SLC18A1: variants seen among roughly 807,000 people sequenced by gnomAD.
SLC18A1 encodes solute carrier family 18 member A1.
SLC18A1 carries 69 observed loss-of-function variants against 53.7 expected under a neutral mutation model. The observed-to-expected ratio is 1.28, with a 90% CI of 1.06 to 1.57. The LOEUF (loss-of-function observed/expected upper bound fraction) is 1.57. Among genes scored for constraint, SLC18A1 ranks in the 40% most tolerant of loss-of-function variants. The probability of loss-of-function intolerance (pLI) is 0.00; values close to 1 mark genes in which losing one functional copy is unlikely to be tolerated. For missense variants in SLC18A1, 932 were observed against 668.1 expected (o/e 1.40, Z -4.35); for synonymous variants, 320 against 248.1 (o/e 1.29, Z -2.72).
rs758415760 is a variant in SLC18A1 at position 20,183,091 on chromosome 8, C to G, written c.-152G>C. 6.6e-6 allele frequency: 1 copy of G among 152,162 alleles called. No homozygotes were observed. Among genetic ancestry groups the G allele is most frequent in the Non-Finnish European group, 1.5e-5 (1 of 68,030 alleles). The allele number at this position is 152,162 out of a possible 1,614,324, so 9.4% of individuals were successfully genotyped here. The stretch of plus-strand genomic sequence containing the variant: ...GGAGCCCATGTTGGTGTGAGGCACT[C>G]AGTGAGGTATTGGCAGCTGTTAGCA... On this transcript the variant is annotated 5_prime_UTR_variant, in exon 1 of 16. Transcript: ENST00000276373.
At chr8:20,150,992 G>C in intron 10 of SLC18A1, 3 of 455,686 alleles carry the variant, frequency 6.6e-6, no homozygotes, top group Non-Finnish European at 1.2e-5. Context: ...CTTTTTTTGA[G>C]ACAGGGCCTC....
At chr8:20,178,610 A>G (rs1260540083) in intron 3 of SLC18A1, 117 bp from the exon 4 acceptor site, 9 of 715,666 alleles carry the variant, frequency 1.3e-5, no homozygotes, top group Admixed American at 2.6e-5. Context: ...ATGGTAAAAC[A>G]TGCCTCTGAA....
rs187833299 is a variant in SLC18A1, at chr8:20,145,571, G to C, written c.*192C>G. On this transcript the variant is annotated 3_prime_UTR_variant, in exon 16 of 16. Coordinates refer to ENST00000276373, the MANE Select transcript of SLC18A1 (RefSeq NM_003053.4). Reference sequence around the variant, plus strand: ...AAAGATGGGCCACTGCGGCACCAAGGCATAGAGGAAGAGCTACAAGTTACA... The same window carrying C: ...AAAGATGGGCCACTGCGGCACCAAGCCATAGAGGAAGAGCTACAAGTTACA... 2 of 431,134 alleles carry C rather than the reference G, an allele frequency of 4.6e-6. No individual in the cohort carries two copies. Among genetic ancestry groups the C allele is most frequent in the African/African-American group, 4.1e-5 (2 of 49,048 alleles). 26.7% of individuals were successfully genotyped at this position (431,134 alleles called of 1,614,324 possible). A position where few individuals can be genotyped will look rare whatever the true frequency, so the allele number is the denominator to read the frequency against.
At chr8:20,181,661 G>A (rs1325321721) in intron 1 of SLC18A1, 2 of 152,134 alleles carry the variant, frequency 1.3e-5, no homozygotes, top group Non-Finnish European at 2.9e-5. Context: ...AAAAAAGTAT[G>A]ACCTTTGTTC....
At chr8:20,164,816 T>C (rs1390243770) in intron 10 of SLC18A1, 53 bp downstream of exon 10, 2 of 1,399,390 alleles carry the variant, frequency 1.4e-6, no homozygotes, top group Non-Finnish European at 9.9e-7. Flanking sequence ...AAAGGACTCA[T>C]GGCACCCACC....
At chr8:20,177,118 AT>A (rs1303892977) in intron 4 of SLC18A1, among the ~76,000 whole-genome samples, 1 of 152,156 alleles carries the variant, frequency 6.6e-6, no homozygotes, top group Non-Finnish European at 1.5e-5. Context: ...TTATTTTTAA[AT>A]TTGCTGTCTA....
chr8:20,147,971 C>G (rs772636881), intron 13 of SLC18A1, 36 bp downstream of exon 13: 1 of 1,607,458 alleles, frequency 6.2e-7, no homozygotes, highest in South Asian at 1.1e-5. Context: ...AGCCAACATG[C>G]AGGGGCTTAT....
At chr8:20,162,900 T>C (rs1031647641) in intron 10 of SLC18A1, among the ~76,000 whole-genome samples, 8 of 152,218 alleles carry the variant, frequency 5.3e-5, no homozygotes, top group African/African-American at 1.9e-4. Flanking sequence ...TATTGCAGCC[T>C]CTACCAATTT....
rs529520191 is a variant in SLC18A1, at chr8:20,181,060, G to A, written c.-96C>T. On this transcript the variant is annotated 5_prime_UTR_variant, in exon 2 of 16. Coordinates refer to ENST00000276373, the MANE Select transcript of SLC18A1 (RefSeq NM_003053.4). ...CCTGCAGCCTTTATGGAAGAGGGGA[G>A]GGAGTCTGCCCAGACGAAGGAAACT... 9.0e-6 allele frequency: 13 copies of A among 1,439,534 alleles called. No homozygotes were observed. In the East Asian group the frequency reaches 3.0e-4, roughly 34 times the overall value. The allele number at this position is 1,439,534 out of a possible 1,614,324, so 89.2% of individuals were successfully genotyped here. A position where few individuals can be genotyped will look rare whatever the true frequency, so the allele number is the denominator to read the frequency against.
At chr8:20,149,535 C>T (rs1482101853) in intron 12 of SLC18A1, 141 bp downstream of exon 12, 1 of 673,364 alleles carries the variant, frequency 1.5e-6, no homozygotes, top group Non-Finnish European at 2.5e-6. Flanking sequence ...CATCTCTGCT[C>T]ATCTTAAAGG....
At chr8:20,175,121 A>C (rs1340657345) in intron 4 of SLC18A1, among the ~76,000 whole-genome samples, 2 of 152,200 alleles carry the variant, frequency 1.3e-5, no homozygotes, top group African/African-American at 4.8e-5. Context: ...GGAAACTGAG[A>C]TCCAACAGGA....
intron 10 of SLC18A1, among the ~76,000 whole-genome samples, chr8:20,153,218 G>GT (rs71532224): frequency 0.23 from 34,383 of 151,778 alleles, 4,141 homozygotes; most frequent in African/African-American, 0.27. Context: ...GTGGTTGTGC[G>GT]TTTTTTTTGC....
intron 4 of SLC18A1, among the ~76,000 whole-genome samples, chr8:20,175,085 G>A (rs1264584080): frequency 6.6e-6 from 1 of 152,148 alleles, no homozygotes; most frequent in Non-Finnish European, 1.5e-5. Context: ...CGTGAAGAGA[G>A]GCAGTGTGTT....
intron 8 of SLC18A1, among the ~76,000 whole-genome samples, chr8:20,168,485 T>C (rs1021759516): frequency 6.6e-6 from 1 of 152,192 alleles, no homozygotes; most frequent in African/African-American, 2.4e-5. Context: ...CATAATCACA[T>C]GTACATAAAA....
intron 11 of SLC18A1, among the ~76,000 whole-genome samples, chr8:20,150,274 G>T (rs1367360519): frequency 6.6e-6 from 1 of 152,188 alleles, no homozygotes; most frequent in Non-Finnish European, 1.5e-5. Context: ...TTCCTCCTCA[G>T]TGGCCTCTGG....
At chr8:20,169,469 C>A (rs915145220) in intron 8 of SLC18A1, among the ~76,000 whole-genome samples, 1 of 151,702 alleles carries the variant, frequency 6.6e-6, no homozygotes, top group Non-Finnish European at 1.5e-5. Context: ...AAAAAAAAAT[C>A]CTGTTCTTAG....
rs770863103 is a variant in SLC18A1 at position 20,174,520 on chromosome 8, G to A, written c.548-76C>T. 68 of 900,114 alleles carry A rather than the reference G, an allele frequency of 7.6e-5. No individual in the cohort carries two copies. In the Middle Eastern group the frequency reaches 1.3e-3, roughly 17 times the overall value. The allele number at this position is 900,114 out of a possible 1,614,324, so 55.8% of individuals were successfully genotyped here. A position where few individuals can be genotyped will look rare whatever the true frequency, so the allele number is the denominator to read the frequency against. On this transcript the variant is annotated intron_variant, in intron 4 of 15. Coordinates refer to ENST00000276373, the MANE Select transcript of SLC18A1 (RefSeq NM_003053.4). ...TCCCCAGCCGCCAGAGAACATGCCCGTGATACTGCAGATATGAGTCTTGAT... is the reference window on the plus strand; with the variant it reads ...TCCCCAGCCGCCAGAGAACATGCCCATGATACTGCAGATATGAGTCTTGAT...
chr8:20,154,106 C>T (rs913322913), intron 10 of SLC18A1, among the ~76,000 whole-genome samples: 1 of 152,182 alleles, frequency 6.6e-6, no homozygotes, highest in Non-Finnish European at 1.5e-5. Context: ...TGGTGCCAGG[C>T]TTCTTGTACA....
At chr8:20,178,579 G>T in intron 3 of SLC18A1, 86 bp from the exon 4 acceptor site, 1 of 1,005,938 alleles carries the variant, frequency 9.9e-7, no homozygotes, top group South Asian at 1.5e-5. Context: ...AGTGGGAGCA[G>T]AAATGCAGCT....
Sources: allele counts gnomAD v4.1 joint callset (sites outside exome capture counted in the v4.1 genomes callset), GRCh38; gene constraint gnomAD v4.1.1; transcripts MANE v1.5; gene names NCBI Gene and HGNC (gene_info 2026-07-23, HGNC 2026-07-21).